The following GRIA4 variants were observed in gnomAD, a reference collection of about 807,000 sequenced individuals.
GRIA4 encodes the protein glutamate receptor 4.
In GRIA4, 34 loss-of-function variants were observed where a neutral mutation model predicts 104.0. The observed-to-expected ratio is 0.33, with a 90% CI of 0.25 to 0.44. GRIA4 has a LOEUF of 0.44. Ranked by LOEUF, GRIA4 falls within the 20% of genes least tolerant of loss-of-function variation. The probability of loss-of-function intolerance (pLI) is 1.00; values close to 1 mark genes in which losing one functional copy is unlikely to be tolerated. For missense variants in GRIA4, 750 were observed against 1,096.5 expected (o/e 0.68, Z 4.46); for synonymous variants, 386 against 381.9 (o/e 1.01, Z -0.13).
intron 4 of GRIA4, among the ~76,000 whole-genome samples, chr11:105,754,117 G>C (rs1401633266): frequency 6.6e-6 from 1 of 152,040 alleles, no homozygotes; most frequent in Non-Finnish European, 1.5e-5. Context: ...TCCTGCCTTC[G>C]TCTTTTGGTA....
intron 3 of GRIA4, among the ~76,000 whole-genome samples, chr11:105,739,050 C>T (rs965704687): frequency 6.6e-6 from 1 of 151,796 alleles, no homozygotes. Context: ...CAAAAGCTCA[C>T]TTATTGTAGC....
intron 4 of GRIA4, among the ~76,000 whole-genome samples, chr11:105,791,203 C>T (rs1169721769): frequency 1.3e-5 from 2 of 152,046 alleles, no homozygotes; most frequent in Admixed American, 6.6e-5. Context: ...ACAGCAACAA[C>T]GAAAAGTAGA....
intron 3 of GRIA4, among the ~76,000 whole-genome samples, chr11:105,665,387 A>T (rs1444978449): frequency 6.6e-6 from 1 of 152,012 alleles, no homozygotes; most frequent in Non-Finnish European, 1.5e-5. Flanking sequence ...TGTCCTAATT[A>T]TATAGATACA....
intron 4 of GRIA4, among the ~76,000 whole-genome samples, chr11:105,762,746 C>T (rs1377952023): frequency 6.6e-6 from 1 of 152,186 alleles, no homozygotes; most frequent in East Asian, 1.9e-4. Context: ...CACATGCTAT[C>T]TAGCCTCCTG....
intron 6 of GRIA4, among the ~76,000 whole-genome samples, chr11:105,894,849 G>T (rs1345987937): frequency 9.8e-6 from 1 of 101,876 alleles, no homozygotes; most frequent in African/African-American, 3.6e-5. Flanking sequence ...CTGGACTGCG[G>T]ACTGCAGTGG....
intron 4 of GRIA4, among the ~76,000 whole-genome samples, chr11:105,825,655 C>T (rs1226380987): frequency 6.6e-6 from 1 of 152,028 alleles, no homozygotes; most frequent in Non-Finnish European, 1.5e-5. Context: ...CTCCAAACCC[C>T]TTAGGGGTGC....
In GRIA4 at chr11:105,918,310, T is replaced by C. The variant is rs967515791; in HGVS notation, c.1270-402T>C. 1.4e-4 allele frequency among the ~76,000 whole-genome samples: 21 copies of C among 152,290 alleles called. No individual in the cohort carries two copies. The East Asian group carries it at 1.9e-3, about 14-fold the overall frequency. On this transcript the variant is annotated intron_variant, in intron 10 of 16. Coordinates refer to ENST00000282499, the MANE Select transcript of GRIA4 (RefSeq NM_000829.4). ...ATGCAGAATATGGAAACCTGTGACC[T>C]TGAATTAGTCTTTTATGAGGTGAAG...
chr11:105,791,395 A>G lies in GRIA4; in HGVS notation c.487+38175A>G, dbSNP rs558694265. 7.2e-5 allele frequency among the ~76,000 whole-genome samples: 11 copies of G among 152,318 alleles called. No individual in the cohort carries two copies. The East Asian group carries it at 2.1e-3, about 29-fold the overall frequency. ...ACAAAAAACAATGATTGTGCATTTA[A>G]TGCATAATGTTCTTCTATAGAGTTG... On this transcript the variant is annotated intron_variant, in intron 4 of 16. Transcript: ENST00000282499.
At position 105,824,487 on chromosome 11, in the gene GRIA4, A is replaced by G. The variant is rs866785202; in HGVS notation, c.488-37537A>G. The G allele has an allele frequency of 2.0e-5, 3 of 152,114 alleles. No homozygotes were observed. In the South Asian group the frequency reaches 6.2e-4, roughly 31 times the overall value. The allele number at this position is 152,114 out of a possible 1,614,324, so 9.4% of individuals were successfully genotyped here. A position where few individuals can be genotyped will look rare whatever the true frequency, so the allele number is the denominator to read the frequency against. On this transcript the variant is annotated intron_variant, in intron 4 of 16. Transcript: ENST00000282499. Reference sequence around the variant, plus strand: ...GTGTTGCTTCCCCAATATTCACAATAGCGTTGCATCACAATATTTAGTGTT... The same window carrying G: ...GTGTTGCTTCCCCAATATTCACAATGGCGTTGCATCACAATATTTAGTGTT...
chr11:105,901,357 G>A (rs142707138), intron 7 of GRIA4, among the ~76,000 whole-genome samples: 6 of 151,942 alleles, frequency 3.9e-5, no homozygotes, highest in South Asian at 2.1e-4. Flanking sequence ...TTTTTCTACC[G>A]CACTATGATT....
chr11:105,861,614 T>C (rs1257454897), intron 4 of GRIA4, among the ~76,000 whole-genome samples: 2 of 152,210 alleles, frequency 1.3e-5, no homozygotes, highest in Non-Finnish European at 2.9e-5. Flanking sequence ...AATGTTGTAC[T>C]ACCTTGTTCA....
At chr11:105,924,790 G>C (rs778133644) in intron 12 of GRIA4, 21 bp downstream of exon 12, 4 of 1,528,450 alleles carry the variant, frequency 2.6e-6, no homozygotes, top group Non-Finnish European at 3.6e-6. Flanking sequence ...AATCTCTTAA[G>C]TTCTTCACTG....
At chr11:105,657,698 T>C (rs1951884697) in intron 3 of GRIA4, among the ~76,000 whole-genome samples, 1 of 151,962 alleles carries the variant, frequency 6.6e-6, no homozygotes, top group African/African-American at 2.4e-5. Context: ...CTACAACACT[T>C]TTCAGGTTCA....
In GRIA4 at chr11:105,867,178, G is replaced by A. The variant is rs1007138309; in HGVS notation, c.672+4970G>A. Among the ~76,000 whole-genome samples, 7 of 152,154 alleles carry A rather than the reference G, an allele frequency of 4.6e-5. No homozygotes were observed. In the East Asian group the frequency reaches 5.8e-4, roughly 13 times the overall value. ...TCAATCAAAAAAGCCTAAAAGCCAC[G>A]GCTGACCTCTCAGAGGCTTACTGTG... On this transcript the variant is annotated intron_variant, in intron 5 of 16. Transcript: ENST00000282499.
intron 4 of GRIA4, among the ~76,000 whole-genome samples, chr11:105,764,741 T>C (rs938095130): frequency 6.6e-6 from 1 of 152,144 alleles, no homozygotes; most frequent in African/African-American, 2.4e-5. Context: ...ATTGTTTATG[T>C]TACCTTCACA....
At chr11:105,960,228 C>T (rs1262176969) in intron 14 of GRIA4, among the ~76,000 whole-genome samples, 1 of 152,254 alleles carries the variant, frequency 6.6e-6, no homozygotes, top group Non-Finnish European at 1.5e-5. Context: ...GCTAAGTCTG[C>T]TGGTCCGCAG....
chr11:105,858,919 T>C (rs1945117842), intron 4 of GRIA4, among the ~76,000 whole-genome samples: 1 of 152,192 alleles, frequency 6.6e-6, no homozygotes, highest in Non-Finnish European at 1.5e-5. Flanking sequence ...AAGCAAGATT[T>C]AAAATATCCT....
At chr11:105,675,136 T>C (rs983846288) in intron 3 of GRIA4, among the ~76,000 whole-genome samples, 1 of 151,918 alleles carries the variant, frequency 6.6e-6, no homozygotes, top group Non-Finnish European at 1.5e-5. Context: ...TAAGGGCACA[T>C]GCTTTGAGCT....
In GRIA4 at chr11:105,668,675, G is replaced by GTTTTTT. The variant is rs368844903; in HGVS notation, c.247+56242_247+56243insTTTTTT. Among the ~76,000 whole-genome samples, 8 of 121,434 alleles carry GTTTTTT rather than the reference G, an allele frequency of 6.6e-5. 1 individual carries two copies. Among genetic ancestry groups the GTTTTTT allele is most frequent in the East Asian group, 2.4e-4 (1 of 4,212 alleles). 79.7% of individuals were successfully genotyped at this position (121,434 alleles called of 152,430 possible). A position where few individuals can be genotyped will look rare whatever the true frequency, so the allele number is the denominator to read the frequency against. On this transcript the variant is annotated intron_variant, in intron 3 of 16. Coordinates refer to ENST00000282499, the MANE Select transcript of GRIA4 (RefSeq NM_000829.4). ...TCCTTGACAACACTTATTATCTTTT[G>GTTTTTT]TCTTTTTTTTTTTTTTTGAGATAGA...
Sources: gnomAD v4.1 joint callset for allele counts (sites outside exome capture counted in the v4.1 genomes callset) on GRCh38, gnomAD v4.1.1 for gene constraint, MANE v1.5 for transcripts, NCBI Gene and HGNC (gene_info 2026-07-23, HGNC 2026-07-21) for gene names.